The following CAMK1D variants were observed in gnomAD, a reference collection of about 807,000 sequenced individuals.
CAMK1D encodes calcium/calmodulin dependent protein kinase ID.
A neutral mutation model predicts 47.7 loss-of-function variants in CAMK1D; 9 were observed. That is an observed-to-expected ratio of 0.19 (90% CI 0.11 to 0.33). The LOEUF (loss-of-function observed/expected upper bound fraction) is 0.33, where lower values mean the gene tolerates loss of function less well. Among genes scored for constraint, CAMK1D ranks in the 10% least tolerant of loss-of-function variants. The pLI, the probability that CAMK1D is intolerant of heterozygous loss-of-function variation, is 1.00. For synonymous variants in CAMK1D, 184 were observed against 184.9 expected (o/e 0.99, Z 0.04); for missense variants, 291 against 488.7 (o/e 0.60, Z 3.81).
chr10:12,768,221 C>T lies in CAMK1D; in HGVS notation c.439-1452C>T, dbSNP rs142716946. ...TGCCCACAAGGAATTTCCTTACTGG[C>T]GAATCATGAGGGAGGAATGTGGCTT... is the stretch of plus-strand genomic sequence containing the variant. On this transcript the variant is annotated intron_variant, in intron 4 of 10. Transcript: ENST00000619168. Among the ~76,000 whole-genome samples, 976 of 152,098 alleles carry T rather than the reference C, an allele frequency of 6.4e-3. 8 individuals carry two copies. The highest frequency in any genetic ancestry group is 0.024 in the Middle Eastern group (7 of 294).
At chr10:12,735,464 C>T (rs749394531) in intron 3 of CAMK1D, among the ~76,000 whole-genome samples, 68 of 151,930 alleles carry the variant, frequency 4.5e-4, no homozygotes, top group African/African-American at 1.5e-3. Context: ...GGCGACAGAG[C>T]GAGACTCCGT....
intron 1 of CAMK1D, among the ~76,000 whole-genome samples, chr10:12,358,716 C>CT (rs2131837619): frequency 1.3e-5 from 2 of 152,212 alleles, no homozygotes; most frequent in Admixed American, 1.3e-4. Flanking sequence ...CTTAATCTCT[C>CT]TGAGTTTAAG....
intron 3 of CAMK1D, among the ~76,000 whole-genome samples, chr10:12,756,791 G>C (rs988111550): frequency 1.3e-5 from 2 of 152,166 alleles, no homozygotes; most frequent in African/African-American, 4.8e-5. Context: ...AGCCGGGCGT[G>C]GTGGTGGCCA....
At chr10:12,418,263 C>T (rs749653487) in intron 1 of CAMK1D, among the ~76,000 whole-genome samples, 2 of 152,298 alleles carry the variant, frequency 1.3e-5, no homozygotes, top group Non-Finnish European at 2.9e-5. Flanking sequence ...GATTGCAACG[C>T]GGCCATGCCT....
At chr10:12,717,279 T>C (rs180890484) in intron 3 of CAMK1D, among the ~76,000 whole-genome samples, 1 of 152,316 alleles carries the variant, frequency 6.6e-6, no homozygotes, top group South Asian at 2.1e-4. Flanking sequence ...TCTTAACTGC[T>C]TGTTCCTCTT....
At chr10:12,531,142 C>T (rs1411701648) in intron 1 of CAMK1D, among the ~76,000 whole-genome samples, 1 of 151,980 alleles carries the variant, frequency 6.6e-6, no homozygotes, top group East Asian at 1.9e-4. Flanking sequence ...TGAGGCTTCT[C>T]CTGTGGAAAA....
intron 1 of CAMK1D, among the ~76,000 whole-genome samples, chr10:12,488,173 T>C (rs1028022789): frequency 6.6e-6 from 1 of 152,156 alleles, no homozygotes; most frequent in African/African-American, 2.4e-5. Context: ...GTGTTGACTG[T>C]TGAATGGGTG....
At chr10:12,644,590 C>T (rs1213985713) in intron 2 of CAMK1D, among the ~76,000 whole-genome samples, 4 of 152,144 alleles carry the variant, frequency 2.6e-5, no homozygotes. Context: ...TCCTGGTGAG[C>T]CACAGGATCC....
chr10:12,510,095 G>C lies in CAMK1D; in HGVS notation c.93-43130G>C, dbSNP rs112377693. ...CCTTCAGTATCAATGAATGTGCCCT[G>C]TGGGCCCTTAGCTCAAGATATCCAC... On this transcript the variant is annotated intron_variant, in intron 1 of 10. Transcript: ENST00000619168. 8.5e-3 allele frequency among the ~76,000 whole-genome samples: 1,300 copies of C among 152,340 alleles called. 16 individuals are homozygous for C. Among genetic ancestry groups the C allele is most frequent in the African/African-American group, 0.03 (1,236 of 41,576 alleles).
intron 4 of CAMK1D, among the ~76,000 whole-genome samples, chr10:12,767,662 G>A (rs1030316073): frequency 2.0e-5 from 3 of 152,116 alleles, no homozygotes; most frequent in Non-Finnish European, 2.9e-5. Context: ...ATGAAAAGGC[G>A]GCACAACTCA....
At chr10:12,440,009 C>T (rs949039107) in intron 1 of CAMK1D, among the ~76,000 whole-genome samples, 2 of 152,140 alleles carry the variant, frequency 1.3e-5, no homozygotes, top group Non-Finnish European at 2.9e-5. Context: ...GGGAAACCAC[C>T]CCGTGATTCA....
chr10:12,734,428 ATATATACACACACACATATGTG>A lies in CAMK1D; in HGVS notation c.300-26513_300-26492del, dbSNP rs1181388379. Among the ~76,000 whole-genome samples, 77 of 34,400 alleles carry A rather than the reference ATATATACACACACACATATGTG, an allele frequency of 2.2e-3. 3 individuals carry two copies. The highest frequency in any genetic ancestry group is 0.01 in the Middle Eastern group (1 of 100). The allele number at this position is 34,400 out of a possible 152,430, so 22.6% of individuals were successfully genotyped here. A position where few individuals can be genotyped will look rare whatever the true frequency, so the allele number is the denominator to read the frequency against. ...TATACACACACACACACATGTATATATATATACACACACACATATGTGTATATATACACATACACATATGTGT... is the reference window on the plus strand; with the variant it reads ...TATACACACACACACACATGTATATATATATATACACATACACATATGTGT... On this transcript the variant is annotated intron_variant, in intron 3 of 10. Transcript: ENST00000619168.
At chr10:12,476,625 A>G (rs1298191409) in intron 1 of CAMK1D, among the ~76,000 whole-genome samples, 2 of 152,128 alleles carry the variant, frequency 1.3e-5, no homozygotes, top group Non-Finnish European at 2.9e-5. Flanking sequence ...TAATTTCGGG[A>G]ATCTGGAGTG....
chr10:12,594,560 C>T (rs1431697742), intron 2 of CAMK1D, among the ~76,000 whole-genome samples: 2 of 152,216 alleles, frequency 1.3e-5, no homozygotes, highest in Non-Finnish European at 2.9e-5. Context: ...GGGCCAATGA[C>T]AATGGGCTCT....
intron 2 of CAMK1D, among the ~76,000 whole-genome samples, chr10:12,661,150 C>T (rs1027520460): frequency 2.6e-5 from 4 of 152,106 alleles, no homozygotes; most frequent in Non-Finnish European, 4.4e-5. Context: ...TGTTTACAAC[C>T]GAGTATCTTG....
intron 1 of CAMK1D, among the ~76,000 whole-genome samples, chr10:12,401,172 TTATATATATTA>T (rs1839186229): frequency 2.0e-5 from 1 of 49,984 alleles, no homozygotes; most frequent in Non-Finnish European, 3.4e-5. Flanking sequence ...AATATATGTA[TTATATATATTA>T]TATATATATT....
intron 1 of CAMK1D, among the ~76,000 whole-genome samples, chr10:12,467,778 G>A (rs896640929): frequency 1.2e-4 from 19 of 152,156 alleles, no homozygotes; most frequent in Admixed American, 5.9e-4. Flanking sequence ...GGCTGGGTTT[G>A]TGTAATCATT....
At chr10:12,789,201 A>G (rs141203856) in intron 5 of CAMK1D, among the ~76,000 whole-genome samples, 2 of 152,022 alleles carry the variant, frequency 1.3e-5, no homozygotes, top group East Asian at 1.9e-4. Flanking sequence ...TTAAAACATT[A>G]TGAGATTTTT....
chr10:12,469,590 C>T (rs1418996921), intron 1 of CAMK1D, among the ~76,000 whole-genome samples: 2 of 152,142 alleles, frequency 1.3e-5, no homozygotes, highest in African/African-American at 4.8e-5. Context: ...ACAACTACAG[C>T]TTATGATGTG....
Sources: allele counts gnomAD v4.1 joint callset (sites outside exome capture counted in the v4.1 genomes callset), GRCh38; gene constraint gnomAD v4.1.1; transcripts MANE v1.5; gene names NCBI Gene and HGNC (gene_info 2026-07-23, HGNC 2026-07-21).